Variants in CPNE4 observed in about 807,000 individuals in gnomAD.
CPNE4 encodes the protein copine 4.
CPNE4 carries 25 observed loss-of-function variants against 67.9 expected under a neutral mutation model. That is an observed-to-expected ratio of 0.37 (90% CI 0.27 to 0.51). The LOEUF is 0.51. Among genes scored for constraint, CPNE4 ranks in the 20% least tolerant of loss-of-function variants. The pLI is 0.93. For synonymous variants in CPNE4, 242 were observed against 244.9 expected, an observed-to-expected ratio of 0.99 and a Z score of 0.11; for missense variants, 464 against 690.8, an observed-to-expected ratio of 0.67 and a Z score of 3.68.
chr3:131,639,013 A>C (rs565023137), intron 7 of CPNE4, among the ~76,000 whole-genome samples: 1 of 152,316 alleles, frequency 6.6e-6, no homozygotes, highest in East Asian at 1.9e-4. Flanking sequence ...GAGCAAAAGC[A>C]GTGCTAAGAG....
intron 2 of CPNE4, among the ~76,000 whole-genome samples, chr3:131,863,805 C>T (rs576536211): frequency 6.8e-4 from 103 of 152,296 alleles, no homozygotes; most frequent in Middle Eastern, 3.4e-3. Context: ...AATGGTATTG[C>T]CTAAGTTTTC....
chr3:131,882,539 C>G (rs974268102), intron 2 of CPNE4, among the ~76,000 whole-genome samples: 4 of 152,088 alleles, frequency 2.6e-5, no homozygotes, highest in African/African-American at 9.7e-5. Context: ...TATCCTTTAA[C>G]CCAGCACTTC....
upstream of CPNE4, chr3:132,037,519 A>G (rs1261914651): frequency 4.0e-6 from 6 of 1,498,926 alleles, no homozygotes; most frequent in Middle Eastern, 3.4e-4. Context: ...TCCCCTCAAC[A>G]ATTGTAACAT....
chr3:131,574,728 C>T (rs78141320), intron 10 of CPNE4, among the ~76,000 whole-genome samples: 5,515 of 152,172 alleles, frequency 0.036, 301 homozygotes, highest in African/African-American at 0.12. Context: ...TGGCTTACTT[C>T]CTTTCAATTT....
intron 2 of CPNE4, among the ~76,000 whole-genome samples, chr3:131,811,507 A>G (rs1447879282): frequency 6.6e-6 from 1 of 152,136 alleles, no homozygotes; most frequent in African/African-American, 2.4e-5. Context: ...ATCCAGCAGA[A>G]AAGTCACCTA....
At chr3:131,926,422 GA>G (rs2070897011) in intron 1 of CPNE4, among the ~76,000 whole-genome samples, 1 of 151,998 alleles carries the variant, frequency 6.6e-6, no homozygotes, top group Non-Finnish European at 1.5e-5. Context: ...AAATAAATTT[GA>G]AAATAAAGAT....
chr3:131,827,102 TGA>T (rs2085192699), intron 2 of CPNE4, among the ~76,000 whole-genome samples: 1 of 152,146 alleles, frequency 6.6e-6, no homozygotes, highest in Admixed American at 6.5e-5. Flanking sequence ...AGGTACTATT[TGA>T]GAGAAGAATA....
chr3:131,842,196 G>T (rs1049689583), intron 2 of CPNE4, among the ~76,000 whole-genome samples: 4 of 152,224 alleles, frequency 2.6e-5, no homozygotes, highest in Non-Finnish European at 5.9e-5. Flanking sequence ...GCTGAATGTG[G>T]TCTGCAGAAG....
chr3:131,929,217 A>T (rs73206088), intron 1 of CPNE4, among the ~76,000 whole-genome samples: 1 of 97,338 alleles, frequency 1.0e-5, no homozygotes, highest in South Asian at 2.9e-4. Flanking sequence ...AAAAAAAAAA[A>T]AGATTTTCAG....
At chr3:131,979,198 T>C (rs1194424164) in intron 1 of CPNE4, among the ~76,000 whole-genome samples, 2 of 152,182 alleles carry the variant, frequency 1.3e-5, no homozygotes, top group Admixed American at 6.5e-5. Context: ...TATATGTCTA[T>C]CTATAAGTCC....
At chr3:131,788,328 G>A (rs1484339497) in intron 2 of CPNE4, among the ~76,000 whole-genome samples, 5 of 151,808 alleles carry the variant, frequency 3.3e-5, no homozygotes, top group African/African-American at 4.8e-5. Context: ...AAAAATACCC[G>A]AATGGAAAAA....
rs143557519 is a variant in CPNE4, at chr3:132,007,766, C to T, written c.-2+26801G>A. On this transcript the variant is annotated intron_variant, in intron 1 of 15. Transcript: ENST00000429747. Reference sequence around the variant, plus strand: ...TAAATCAATTCTTGGATTGCCATGACACCTGTCATGATTTTGTATTTTCTG... The same window carrying T: ...TAAATCAATTCTTGGATTGCCATGATACCTGTCATGATTTTGTATTTTCTG... Among the ~76,000 whole-genome samples, 32 of 152,238 alleles carry T rather than the reference C, an allele frequency of 2.1e-4. No individual in the cohort carries two copies. In the East Asian group the frequency reaches 6.0e-3, roughly 28 times the overall value.
intron 5 of CPNE4, among the ~76,000 whole-genome samples, chr3:131,689,702 A>C (rs562170622): frequency 6.6e-6 from 1 of 152,194 alleles, no homozygotes; most frequent in Non-Finnish European, 1.5e-5. Flanking sequence ...TATAGTACTA[A>C]AAGTCCTCGC....
At chr3:132,029,947 G>C (rs1295336824) in intron 1 of CPNE4, among the ~76,000 whole-genome samples, 1 of 152,204 alleles carries the variant, frequency 6.6e-6, no homozygotes, top group East Asian at 1.9e-4. Context: ...CTAAGTCTAT[G>C]CATGAGCAAT....
intron 3 of CPNE4, among the ~76,000 whole-genome samples, chr3:131,717,930 C>CTTTCTTTCTTTCT (rs1560173686): frequency 1.7e-5 from 2 of 117,460 alleles, no homozygotes; most frequent in Non-Finnish European, 3.7e-5. Context: ...TTCTTTCTTT[C>CTTTCTTTCTTTCT]TTTCTTTCTT....
intron 1 of CPNE4, among the ~76,000 whole-genome samples, chr3:131,917,822 T>G (rs375904386): frequency 5.3e-5 from 8 of 152,202 alleles, no homozygotes; most frequent in East Asian, 1.9e-4. Context: ...ATCAGATGAG[T>G]AGGAAATCTG....
chr3:132,025,287 G>C (rs7623216), intron 1 of CPNE4, among the ~76,000 whole-genome samples: 84,370 of 152,028 alleles, frequency 0.55, 23,980 homozygotes, highest in South Asian at 0.63. Context: ...TGGTCTTGTA[G>C]GGTGGAATGA....
intron 7 of CPNE4, among the ~76,000 whole-genome samples, chr3:131,590,710 G>T (rs979709552): frequency 6.6e-6 from 1 of 152,178 alleles, no homozygotes; most frequent in East Asian, 1.9e-4. Flanking sequence ...AGCAGAAACT[G>T]CAGGACCACA....
intron 5 of CPNE4, among the ~76,000 whole-genome samples, chr3:131,695,350 G>A (rs1207701184): frequency 6.6e-6 from 1 of 152,178 alleles, no homozygotes; most frequent in Non-Finnish European, 1.5e-5. Context: ...AATTCTATGA[G>A]CAAGTGTTCA....
Sources: gnomAD v4.1 joint callset for allele counts (sites outside exome capture counted in the v4.1 genomes callset) on GRCh38, gnomAD v4.1.1 for gene constraint, MANE v1.5 for transcripts, NCBI Gene and HGNC (gene_info 2026-07-23, HGNC 2026-07-21) for gene names.